The following MED12L variants were observed in gnomAD, a reference collection of about 807,000 sequenced individuals.
MED12L encodes the protein mediator complex subunit 12L, also known as mediator of RNA polymerase II transcription subunit 12-like protein.
Under a neutral mutation model 281.3 loss-of-function variants are expected in MED12L, and 60 were observed. The ratio of observed to expected loss-of-function variants is 0.21; its 90% CI spans 0.17 to 0.26. The LOEUF is 0.26. Among genes scored for constraint, MED12L ranks in the 10% least tolerant of loss-of-function variants. The pLI is 1.00. For missense variants in MED12L, 2,146 were observed against 2,680.9 expected, an observed-to-expected ratio of 0.80 and a Z score of 4.41; for synonymous variants, 974 against 987.2, an observed-to-expected ratio of 0.99 and a Z score of 0.25.
chr3:151,201,245 TCA>T (rs1553740002), intron 16 of MED12L, among the ~76,000 whole-genome samples: 1 of 150,524 alleles, frequency 6.6e-6, no homozygotes, highest in Non-Finnish European at 1.5e-5. Context: ...TCTCTCTCTC[TCA>T]CACGCACATT....
intron 16 of MED12L, among the ~76,000 whole-genome samples, chr3:151,308,175 T>G (rs577600164): frequency 3.3e-5 from 5 of 152,266 alleles, no homozygotes; most frequent in African/African-American, 1.2e-4. Context: ...TTAAGAAATA[T>G]GCTTTTCTTA....
rs779749987 is a variant in MED12L at position 151,369,486 on chromosome 3, G to A, written c.3601G>A (p.Ala1201Thr). 9.3e-6 allele frequency: 15 copies of A among 1,611,422 alleles called. No individual in the cohort carries two copies. The highest frequency in any genetic ancestry group is 3.3e-5 in the Admixed American group (2 of 59,782). The change falls in exon 26 of 45, where the codon GCT becomes ACT. Residue 1201 changes from alanine to threonine, a missense_variant. Transcript: ENST00000687756. ...RSSCDRHLLA[A>T]AHNSIEVGAV... ...ATCTTGTGATAGACACCTCTTAGCC[G>A]CTGCTCACAACAGCATTGAAGTGGG... is the stretch of plus-strand genomic sequence containing the variant.
At chr3:151,357,749 A>G (rs1278256698) in intron 20 of MED12L, among the ~76,000 whole-genome samples, 1 of 152,232 alleles carries the variant, frequency 6.6e-6, no homozygotes, top group African/African-American at 2.4e-5. Context: ...CTCAACATCA[A>G]ATAAGCTTTG....
chr3:151,212,289 G>A (rs1297210701), intron 16 of MED12L: 1 of 152,140 alleles, frequency 6.6e-6, no homozygotes, highest in African/African-American at 2.4e-5. Flanking sequence ...GTAACCGTAT[G>A]CCATGTCTCC....
intron 16 of MED12L, among the ~76,000 whole-genome samples, chr3:151,342,437 G>A (rs1233537093): frequency 6.6e-6 from 1 of 152,156 alleles, no homozygotes; most frequent in African/African-American, 2.4e-5. Flanking sequence ...TTTTCACAGT[G>A]CAGAGCAGCA....
chr3:151,339,022 T>G (rs748117274), intron 16 of MED12L, among the ~76,000 whole-genome samples: 10 of 152,182 alleles, frequency 6.6e-5, no homozygotes, highest in Non-Finnish European at 8.8e-5. Context: ...CCCAAAATAT[T>G]TCATTGCAGC....
intron 5 of MED12L, among the ~76,000 whole-genome samples, chr3:151,146,196 C>T (rs1717735565): frequency 6.6e-6 from 1 of 152,228 alleles, no homozygotes; most frequent in Non-Finnish European, 1.5e-5. Flanking sequence ...CCAGCACCCT[C>T]TGGTGACCAT....
chr3:151,158,663 A>G (rs376625803), intron 6 of MED12L, 26 bp from the exon 7 acceptor site: 12 of 1,472,796 alleles, frequency 8.1e-6, no homozygotes, highest in African/African-American at 2.8e-5. Flanking sequence ...AACATTATTA[A>G]TGTAATTTTT....
chr3:151,274,550 G>A lies in MED12L; in HGVS notation c.2251-75509G>A, dbSNP rs1039647208. On this transcript the variant is annotated intron_variant, in intron 16 of 44. Coordinates refer to ENST00000687756, the MANE Select transcript of MED12L (RefSeq NM_001393769.1). Reference sequence around the variant, plus strand: ...AGGCCACCTCCTAGGACATTTAACTGAACTAAGTATCATTTTTCATATTCT... The same window carrying A: ...AGGCCACCTCCTAGGACATTTAACTAAACTAAGTATCATTTTTCATATTCT... 4.6e-5 allele frequency among the ~76,000 whole-genome samples: 7 copies of A among 152,182 alleles called. No homozygotes were observed. The East Asian group carries it at 5.8e-4, about 13-fold the overall frequency.
intron 16 of MED12L, chr3:151,329,082 A>G: frequency 9.0e-7 from 1 of 1,105,140 alleles, no homozygotes; most frequent in Non-Finnish European, 1.3e-6. Context: ...TATTTTTTAA[A>G]AACAGACTTT....
intron 43 of MED12L, among the ~76,000 whole-genome samples, chr3:151,426,453 TGG>T (rs2108456812): frequency 6.6e-6 from 1 of 152,290 alleles, no homozygotes; most frequent in South Asian, 2.1e-4. Flanking sequence ...AAATTGCATC[TGG>T]GGCCTATTGC....
intron 16 of MED12L, among the ~76,000 whole-genome samples, chr3:151,264,838 G>A (rs967307927): frequency 5.3e-5 from 8 of 152,116 alleles, no homozygotes; most frequent in African/African-American, 1.9e-4. Flanking sequence ...GGCCTGCATG[G>A]CTCTACATGA....
chr3:151,350,276 A>G, intron 17 of MED12L, 70 bp downstream of exon 17: 1 of 1,497,214 alleles, frequency 6.7e-7, no homozygotes, highest in East Asian at 2.3e-5. Context: ...AGTCTTTATC[A>G]AAGTGTTCTA....
chr3:151,208,185 A>T lies in MED12L; in HGVS notation c.2250+14519A>T, dbSNP rs190619872. On this transcript the variant is annotated intron_variant, in intron 16 of 44. Coordinates refer to ENST00000687756, the MANE Select transcript of MED12L (RefSeq NM_001393769.1). ...ATATGAACTACACTTGGCCATGCCA[A>T]TTTTTTTATAGTTGCTTGTTTTTCT... Among the ~76,000 whole-genome samples the T allele has an allele frequency of 3.3e-5, 5 of 152,294 alleles. No individual in the cohort carries two copies. In the East Asian group the frequency reaches 9.6e-4, roughly 29 times the overall value.
chr3:151,088,115 T>A (rs1300487669), intron 2 of MED12L, among the ~76,000 whole-genome samples: 2 of 152,256 alleles, frequency 1.3e-5, no homozygotes, highest in Admixed American at 1.3e-4. Flanking sequence ...TTGATAAGTG[T>A]ATCTTTCATT....
At chr3:151,156,967 C>A (rs755610463) in intron 6 of MED12L, among the ~76,000 whole-genome samples, 52 of 152,128 alleles carry the variant, frequency 3.4e-4, no homozygotes, top group Admixed American at 6.5e-4. Flanking sequence ...TCTAAATTTT[C>A]CCTTTAGAAC....
At chr3:151,136,734 C>T (rs1716189571) in intron 5 of MED12L, among the ~76,000 whole-genome samples, 2 of 152,156 alleles carry the variant, frequency 1.3e-5, no homozygotes, top group African/African-American at 2.4e-5. Flanking sequence ...AGGGCTTTCT[C>T]TCATGTGATA....
intron 11 of MED12L, among the ~76,000 whole-genome samples, chr3:151,180,714 A>G (rs1017984875): frequency 6.6e-6 from 1 of 152,236 alleles, no homozygotes; most frequent in Admixed American, 6.5e-5. Flanking sequence ...CAAATCATTG[A>G]GAGACAAGTG....
At chr3:151,228,556 T>G (rs1431478619) in intron 16 of MED12L, among the ~76,000 whole-genome samples, 4 of 152,174 alleles carry the variant, frequency 2.6e-5, no homozygotes, top group Admixed American at 2.6e-4. Flanking sequence ...CTGAGCTTCC[T>G]CCAGTATGTG....
Sources: gnomAD v4.1 joint callset for allele counts (sites outside exome capture counted in the v4.1 genomes callset) on GRCh38, gnomAD v4.1.1 for gene constraint, MANE v1.5 for transcripts, NCBI Gene and HGNC (gene_info 2026-07-23, HGNC 2026-07-21) for gene names.